The following NYX variants were observed in gnomAD, a reference collection of about 807,000 sequenced individuals.
The protein encoded by NYX is nyctalopin.
For missense variants in NYX, 481 were observed against 485.4 expected (o/e 0.99, Z 0.09); for synonymous variants, 258 against 245.7 (o/e 1.05, Z -0.47).
chrX:41,451,871 C>A (rs1286411678), intron 2 of NYX, among the ~76,000 whole-genome samples: 1 of 110,976 alleles, frequency 9.0e-6, no homozygotes, highest in Non-Finnish European at 1.9e-5. Context: ...GTTCAGAAAG[C>A]AGGTCAGTGG....
chrX:41,451,107 A>G (rs2064278750), intron 2 of NYX, among the ~76,000 whole-genome samples: 1 of 110,690 alleles, frequency 9.0e-6, no homozygotes, highest in Admixed American at 9.8e-5. Context: ...TGCTGGGATT[A>G]GAGGTGTGAG....
At chrX:41,456,213 A>G (rs2064298474) in intron 2 of NYX, among the ~76,000 whole-genome samples, 1 of 111,231 alleles carries the variant, frequency 9.0e-6, no homozygotes, top group Admixed American at 9.7e-5. Context: ...GGTGCGTGCC[A>G]GTAGTCCCAG....
chrX:41,453,803 A>G (rs2064289924), intron 2 of NYX, among the ~76,000 whole-genome samples: 1 of 112,332 alleles, frequency 8.9e-6, no homozygotes. Flanking sequence ...TAGTTATGCC[A>G]CATTTGCTTA....
chrX:41,460,880 T>C (rs1176333396), intron 2 of NYX, among the ~76,000 whole-genome samples: 2 of 64,333 alleles, frequency 3.1e-5, no homozygotes, highest in African/African-American at 1.3e-4. Flanking sequence ...GTATGTATTT[T>C]TTTTTTTTTT....
chrX:41,447,852 G>A lies in NYX; in HGVS notation c.-53G>A, dbSNP rs761165028. ...GACCTGTCCTTTCTCCCCTCAGGTA[G>A]GGGTCCCACGGCTGGGTGGTCCTAA... On this transcript the variant is annotated 5_prime_UTR_variant, in exon 2 of 3. Transcript: ENST00000378220. 5 of 1,204,210 alleles carry A rather than the reference G, an allele frequency of 4.2e-6. No individual in the cohort carries two copies. Among genetic ancestry groups the A allele is most frequent in the Admixed American group, 4.4e-5 (2 of 45,480 alleles).
rs2064377767 is a variant in NYX at position 41,474,197 on chromosome X, C to T, written c.729C>T (p.Asp243=). 1 of 1,172,991 alleles carries T rather than the reference C, an allele frequency of 8.5e-7. No individual in the cohort carries two copies. The highest frequency in any genetic ancestry group is 1.1e-6 in the Non-Finnish European group (1 of 881,171). ...NDNLLAELPA[D]AFRGLRRLRT... is the part of the protein sequence containing the mutation. ...ACCTGCTGGCCGAGCTCCCGGCCGA[C>T]GCCTTCCGCGGCCTGCGGCGCCTGC... The change falls in exon 3 of 3, where the codon GAC becomes GAT. Residue 243 remains aspartate, a synonymous_variant. Transcript: ENST00000378220.
intron 2 of NYX, among the ~76,000 whole-genome samples, chrX:41,471,203 C>T (rs1342614187): frequency 9.0e-6 from 1 of 111,456 alleles, no homozygotes; most frequent in Admixed American, 9.6e-5. Context: ...CCTCCGCTTT[C>T]TGGGTTCAAG....
chrX:41,448,596 C>T (rs2064267695), intron 2 of NYX, among the ~76,000 whole-genome samples: 1 of 95,723 alleles, frequency 1.0e-5, no homozygotes, highest in Non-Finnish European at 2.1e-5. Context: ...GTCTCACTCT[C>T]GCCCAAGCTG....
At chrX:41,451,405 T>C (rs1278213373) in intron 2 of NYX, among the ~76,000 whole-genome samples, 1 of 112,014 alleles carries the variant, frequency 8.9e-6, no homozygotes, top group East Asian at 2.8e-4. Context: ...AATAAACAAA[T>C]TGAGGCACCT....
intron 1 of NYX, 92 bp downstream of exon 1, chrX:41,447,608 G>A (rs949230354): frequency 1.8e-5 from 7 of 389,063 alleles, no homozygotes; most frequent in Non-Finnish European, 3.2e-5. Context: ...GATGCCATCT[G>A]AGTTGCTGTC....
At chrX:41,467,847 A>AG (rs2064346218) in intron 2 of NYX, among the ~76,000 whole-genome samples, 1 of 109,358 alleles carries the variant, frequency 9.1e-6, no homozygotes, top group Non-Finnish European at 1.9e-5. Context: ...TTATAGAGAT[A>AG]GGGGTCTCAC....
At chrX:41,461,830 C>T (rs990647738) in intron 2 of NYX, among the ~76,000 whole-genome samples, 5 of 111,327 alleles carry the variant, frequency 4.5e-5, no homozygotes, top group Non-Finnish European at 9.4e-5. Context: ...GAGACACAGT[C>T]TCACTCTGTC....
At chrX:41,452,221 C>T (rs779714895) in intron 2 of NYX, among the ~76,000 whole-genome samples, 12 of 110,067 alleles carry the variant, frequency 1.1e-4, no homozygotes, top group African/African-American at 3.6e-4. Context: ...AATTCTCCTG[C>T]CTCGGCCTCC....
rs149819683 is a variant in NYX at position 41,450,370 on chromosome X, G to A, written c.22+2444G>A. On this transcript the variant is annotated intron_variant, in intron 2 of 2. Coordinates refer to ENST00000378220, the MANE Select transcript of NYX (RefSeq NM_001378477.3). ...CAGCTCACTGCAACCTCTGCCTCCCGGGTTCAAGTGATTCTCGTGCCTCAG... is the reference window on the plus strand; with the variant it reads ...CAGCTCACTGCAACCTCTGCCTCCCAGGTTCAAGTGATTCTCGTGCCTCAG... Among the ~76,000 whole-genome samples the A allele has an allele frequency of 2.1e-3, 228 of 110,595 alleles. 1 individual carries two copies. Among genetic ancestry groups the A allele is most frequent in the African/African-American group, 7.0e-3 (213 of 30,375 alleles).
At position 41,475,117 on chromosome X, in the gene NYX, G is replaced by T. The variant is rs916377636; in HGVS notation, c.*218G>T. The T allele has an allele frequency of 1.8e-5, 8 of 444,054 alleles. No homozygotes were observed. Among genetic ancestry groups the T allele is most frequent in the Non-Finnish European group, 3.2e-5 (8 of 253,033 alleles). The allele number at this position is 444,054 out of a possible 1,213,427, so 36.6% of individuals were successfully genotyped here. ...TGTCACACGGGCATCCATTGGAAAA[G>T]AGAAGCAAGAATGAACGTGGGCCCT... is the stretch of plus-strand genomic sequence containing the variant. On this transcript the variant is annotated 3_prime_UTR_variant, in exon 3 of 3. Coordinates refer to ENST00000378220, the MANE Select transcript of NYX (RefSeq NM_001378477.3).
At chrX:41,469,631 T>G (rs1021411171) in intron 2 of NYX, among the ~76,000 whole-genome samples, 18 of 108,001 alleles carry the variant, frequency 1.7e-4, no homozygotes, top group African/African-American at 5.7e-4. Flanking sequence ...ACTGCAACCT[T>G]TGCCTCCTGG....
intron 2 of NYX, among the ~76,000 whole-genome samples, chrX:41,448,463 C>T (rs1369740693): frequency 5.5e-5 from 6 of 108,546 alleles, no homozygotes; most frequent in Admixed American, 9.9e-5. Context: ...AGGATGGTCT[C>T]GATCTCCTGA....
Position 41,473,546 on chromosome X carries a change from T to C in NYX, c.78T>C (p.Cys26=). 9.9e-7 allele frequency: 1 copy of C among 1,009,158 alleles called. No individual in the cohort carries two copies. Among genetic ancestry groups the C allele is most frequent in the Non-Finnish European group, 1.3e-6 (1 of 796,204 alleles). 83.2% of individuals were successfully genotyped at this position (1,009,158 alleles called of 1,213,427 possible). ...CCGTGGGGGCCTGCGCCCGCGCTTGTCCCGCCGCCTGCGCCTGCAGCACCG... is the reference window on the plus strand; with the variant it reads ...CCGTGGGGGCCTGCGCCCGCGCTTGCCCCGCCGCCTGCGCCTGCAGCACCG... ...AWAVGACARA[C]PAACACSTVE... is the part of the protein sequence containing the mutation. The change falls in exon 3 of 3, where the codon TGT becomes TGC. Residue 26 remains cysteine, a synonymous_variant. Coordinates refer to ENST00000378220, the MANE Select transcript of NYX (RefSeq NM_001378477.3).
chrX:41,454,520 C>T (rs997632150), intron 2 of NYX, among the ~76,000 whole-genome samples: 1 of 110,811 alleles, frequency 9.0e-6, no homozygotes, highest in Non-Finnish European at 1.9e-5. Flanking sequence ...ACCATATTGG[C>T]CAGGCTGGTC....
Sources: allele counts gnomAD v4.1 joint callset (sites outside exome capture counted in the v4.1 genomes callset), GRCh38; gene constraint gnomAD v4.1.1; transcripts MANE v1.5; gene names NCBI Gene and HGNC (gene_info 2026-07-23, HGNC 2026-07-21).